UTP20: variants seen among roughly 807,000 people sequenced by gnomAD.
UTP20 encodes small subunit processome component 20 homolog.
A neutral mutation model predicts 329.5 loss-of-function variants in UTP20; 164 were observed. The ratio of observed to expected loss-of-function variants is 0.50; its 90% CI spans 0.44 to 0.57. The LOEUF (loss-of-function observed/expected upper bound fraction) is 0.57, where lower values mean the gene tolerates loss of function less well. Among genes scored for constraint, UTP20 ranks in the 20% least tolerant of loss-of-function variants. The pLI is 0.00. For synonymous variants in UTP20, 1,151 were observed against 1,159.3 expected (o/e 0.99, Z 0.14); for missense variants, 3,055 against 3,284.2 (o/e 0.93, Z 1.71).
chr12:101,293,379 G>A (rs985170050), intron 11 of UTP20, 134 bp downstream of exon 11: 2 of 724,544 alleles, frequency 2.8e-6, no homozygotes, highest in South Asian at 2.0e-5. Flanking sequence ...TAGTCAATAT[G>A]TTTTTTAAAG....
chr12:101,327,973 G>T (rs1482481649), intron 26 of UTP20, among the ~76,000 whole-genome samples: 1 of 152,152 alleles, frequency 6.6e-6, no homozygotes, highest in Non-Finnish European at 1.5e-5. Flanking sequence ...GCTTAGAAAG[G>T]TATTTCACCC....
chr12:101,345,368 G>A (rs1305177134), intron 36 of UTP20, among the ~76,000 whole-genome samples, 186 bp from the exon 37 acceptor site: 1 of 151,804 alleles, frequency 6.6e-6, no homozygotes, highest in Non-Finnish European at 1.5e-5. Context: ...TGTATTTTTT[G>A]TAGAGACAGG....
chr12:101,373,745 C>T lies in UTP20; in HGVS notation c.7109C>T (p.Thr2370Ile), dbSNP rs750012163. ...AAAGATTGGCTGTTTGATATGGTTA[C>T]CACTTGGTTTGGAGCAAAAAAGGTG... ...EKKDWLFDMVTTWFGAKKRLN... is the reference protein window; with the variant it reads ...EKKDWLFDMVITWFGAKKRLN... The change falls in exon 54 of 62, where the codon ACC (threonine) becomes ATC (isoleucine). Residue 2370 changes from threonine (T) to isoleucine (I), a missense_variant. Thr to Ile is a moderately conservative substitution (Grantham distance 89). Around this residue, in one of 3 missense-constraint regions of UTP20, gnomAD observed 273 missense variants for 363.1 expected, o/e 0.75. Transcript: ENST00000261637. 1 of 1,611,562 alleles carries T rather than the reference C, an allele frequency of 6.2e-7. No individual in the cohort carries two copies. Among genetic ancestry groups the T allele is most frequent in the South Asian group, 1.1e-5 (1 of 90,158 alleles).
intron 12 of UTP20, among the ~76,000 whole-genome samples, 171 bp downstream of exon 12, chr12:101,295,829 T>C (rs190859301): frequency 4.7e-5 from 7 of 148,210 alleles, no homozygotes; most frequent in African/African-American, 1.8e-4. Context: ...TAGTATGATC[T>C]CATTTTGCAA....
chr12:101,325,604 G>A (rs1462340643), intron 25 of UTP20, among the ~76,000 whole-genome samples: 1 of 152,184 alleles, frequency 6.6e-6, no homozygotes, highest in South Asian at 2.1e-4. Flanking sequence ...GATAAAGTGG[G>A]AAGAATGCAT....
intron 2 of UTP20, among the ~76,000 whole-genome samples, 160 bp from the exon 3 acceptor site, chr12:101,285,410 T>C (rs1480022923): frequency 1.3e-5 from 2 of 152,212 alleles, no homozygotes; most frequent in Non-Finnish European, 2.9e-5. Flanking sequence ...TTCTGATTGC[T>C]TTTTAGTGTG....
rs1409359576 is a variant in UTP20 at position 101,338,058 on chromosome 12, C to A, written c.3649C>A (p.Pro1217Thr). Residue 1217 changes from proline (P) to threonine (T), a missense_variant, in exon 30 of 62, where the codon CCT becomes ACT. This residue lies in a region of UTP20 where 2,445 missense variants were observed against 2,575.5 expected (regional missense o/e 0.95). Coordinates refer to ENST00000261637, the MANE Select transcript of UTP20 (RefSeq NM_014503.3). The part of the protein sequence containing the change: ...SIWSRNARYF[P>T]LLAKQKPGHP... ...CAATGTTTTTTCTTCCAGATATTTC[C>A]CTTTGCTGGCTAAACAGAAGCCTGG... The A allele has an allele frequency of 4.3e-6, 7 of 1,613,888 alleles. No individual in the cohort carries two copies. The highest frequency in any genetic ancestry group is 4.2e-6 in the Non-Finnish European group (5 of 1,179,912).
chr12:101,358,558 G>A (rs749172849), intron 43 of UTP20, among the ~76,000 whole-genome samples: 2 of 152,148 alleles, frequency 1.3e-5, no homozygotes, highest in Non-Finnish European at 2.9e-5. Context: ...GAGCAGGCAT[G>A]GTGGGAACAG....
intron 1 of UTP20, 28 bp downstream of exon 1, chr12:101,280,355 C>A (rs1030748003): frequency 6.4e-7 from 1 of 1,551,564 alleles, no homozygotes; most frequent in Non-Finnish European, 8.7e-7. Flanking sequence ...GGCAGGGAGC[C>A]GCGGGTCTCC....
intron 47 of UTP20, among the ~76,000 whole-genome samples, chr12:101,367,100 C>CT (rs1329254839): frequency 6.6e-6 from 1 of 151,828 alleles, no homozygotes; most frequent in Non-Finnish European, 1.5e-5. Context: ...GGCAACATAG[C>CT]AAGACTCTAT....
rs753995623 is a variant in UTP20 at position 101,345,643 on chromosome 12, T to C, written c.4695T>C (p.Thr1565=). ...QLEFKDLVQL[T]HYHDPEMDFF... The stretch of plus-strand genomic sequence containing the variant: ...AATTCAAAGACTTGGTACAACTTAC[T>C]CATTACCATGACCCAGAAATGGACT... Residue 1565 remains threonine, a synonymous_variant, in exon 37 of 62, where the codon ACT becomes ACC. Transcript: ENST00000261637. 7 of 1,613,044 alleles carry C rather than the reference T, an allele frequency of 4.3e-6. No individual in the cohort carries two copies. Among genetic ancestry groups the C allele is most frequent in the Non-Finnish European group, 5.9e-6 (7 of 1,179,690 alleles).
At chr12:101,330,175 G>A (rs557656680) in intron 27 of UTP20, among the ~76,000 whole-genome samples, 2 of 152,146 alleles carry the variant, frequency 1.3e-5, no homozygotes, top group Admixed American at 1.3e-4. Flanking sequence ...GGGTGGATAG[G>A]TGCTGCATTT....
intron 14 of UTP20, among the ~76,000 whole-genome samples, chr12:101,301,964 T>C (rs1872532422): frequency 6.6e-6 from 1 of 152,204 alleles, no homozygotes. Flanking sequence ...TCTTGCTCTG[T>C]CACCCAGGCT....
Position 101,290,826 on chromosome 12 carries a change from G to T in UTP20, c.829G>T (p.Val277Phe). 6.2e-7 allele frequency: 1 copy of T among 1,613,872 alleles called. No homozygotes were observed. Among genetic ancestry groups the T allele is most frequent in the Non-Finnish European group, 8.5e-7 (1 of 1,179,878 alleles). The change falls in exon 8 of 62, where the codon GTC (valine) becomes TTC (phenylalanine). Residue 277 changes from valine (V) to phenylalanine (F), a missense_variant. Physicochemically the swap from Val to Phe is conservative, Grantham distance 50. This residue lies in a region of UTP20 where 2,445 missense variants were observed against 2,575.5 expected (regional missense o/e 0.95). Coordinates refer to ENST00000261637, the MANE Select transcript of UTP20 (RefSeq NM_014503.3). Reference sequence around the variant, plus strand: ...AATTGGAGAAACACTCAAAAACATGGTCAAATCCACTGTATCCTACATCTC... The same window carrying T: ...AATTGGAGAAACACTCAAAAACATGTTCAAATCCACTGTATCCTACATCTC... ...MLIGETLKNM[V>F]KSTVSYISKE...
In UTP20 at chr12:101,340,674, C is replaced by T. The variant is rs7977402; in HGVS notation, c.4101+64C>T. ...GGCACTTTATCACTAGGTTTAATTG[C>T]GAGCAGCAATTTTACTGGCTAGATT... On this transcript the variant is annotated intron_variant, in intron 32 of 61. Transcript: ENST00000261637. The T allele has an allele frequency of 0.32, 323,431 of 1,018,566 alleles. 68,423 individuals are homozygous for T. The highest frequency in any genetic ancestry group is 0.93 in the East Asian group (38,004 of 40,840). The allele number at this position is 1,018,566 out of a possible 1,614,324, so 63.1% of individuals were successfully genotyped here. A position where few individuals can be genotyped will look rare whatever the true frequency, so the allele number is the denominator to read the frequency against.
At chr12:101,289,160 T>A in intron 6 of UTP20, 119 bp downstream of exon 6, 1 of 834,488 alleles carries the variant, frequency 1.2e-6, no homozygotes, top group Non-Finnish European at 1.8e-6. Flanking sequence ...GTGGATCACC[T>A]GAGGTCAGGA....
chr12:101,298,143 C>T (rs1437097610), intron 12 of UTP20, among the ~76,000 whole-genome samples: 1 of 152,150 alleles, frequency 6.6e-6, no homozygotes, highest in African/African-American at 2.4e-5. Flanking sequence ...AACTTACTGT[C>T]GTTTGACAAC....
chr12:101,361,023 G>A (rs1400204284), intron 43 of UTP20, among the ~76,000 whole-genome samples: 1 of 152,092 alleles, frequency 6.6e-6, no homozygotes, highest in Non-Finnish European at 1.5e-5. Context: ...TGGAGCCTGG[G>A]ACTCTGGTTT....
In UTP20 at chr12:101,357,059, A is replaced by G. The variant is rs752220287; in HGVS notation, c.5668A>G (p.Thr1890Ala). 8.1e-6 allele frequency: 13 copies of G among 1,612,244 alleles called. No homozygotes were observed. In the Admixed American group the frequency reaches 1.5e-4, roughly 19 times the overall value. Residue 1890 changes from threonine to alanine, a missense_variant, in exon 43 of 62, where the codon ACT becomes GCT. Transcript: ENST00000261637. The stretch of plus-strand genomic sequence containing the variant: ...CCTATATGTTTTAAAAGAATTACAG[A>G]CTACTCTTGTCCGTGGATACCAGGT... ...FLLYVLKELQTTLVRGYQVHV... is the reference protein window; with the variant it reads ...FLLYVLKELQATLVRGYQVHV...
Sources: gnomAD v4.1 joint callset for allele counts (sites outside exome capture counted in the v4.1 genomes callset) on GRCh38, gnomAD v4.1.1 for gene constraint, gnomAD v4.1.1 regional missense constraint, MANE v1.5 for transcripts, NCBI Gene and HGNC (gene_info 2026-07-23, HGNC 2026-07-21) for gene names.